Variants in PIEZO1 observed in about 807,000 individuals in gnomAD.
PIEZO1 encodes the protein piezo-type mechanosensitive ion channel component 1.
In PIEZO1, 296 loss-of-function variants were observed where a neutral mutation model predicts 297.2. The observed-to-expected ratio is 1.00, with a 90% CI of 0.91 to 1.10. PIEZO1 has a LOEUF of 1.10. Ranked by LOEUF, PIEZO1 falls within the 50% of genes least tolerant of loss-of-function variation. The pLI is 0.00. For synonymous variants in PIEZO1, 2,427 were observed against 1,507.5 expected, an observed-to-expected ratio of 1.61 and a Z score of -14.13; for missense variants, 5,018 against 3,455.5, an observed-to-expected ratio of 1.45 and a Z score of -11.34.
chr16:88,737,996 G>A lies in PIEZO1; in HGVS notation c.958C>T (p.Leu320=). 1 of 1,535,340 alleles carries A rather than the reference G, an allele frequency of 6.5e-7. No homozygotes were observed. Among genetic ancestry groups the A allele is most frequent in the Non-Finnish European group, 8.7e-7 (1 of 1,146,594 alleles). The change falls in exon 8 of 51, where the codon CTG becomes TTG. Residue 320 remains leucine (L), a synonymous_variant. Coordinates refer to ENST00000301015, the MANE Select transcript of PIEZO1 (RefSeq NM_001142864.4). ...WPVYASPGVL[L]LLCYATASLR... ...GAGGCCGTGGCGTAGCACAGCAGCA[G>A]GAGGACGCCGGGGCTGGCATACACA...
In PIEZO1 at chr16:88,723,253, G is replaced by A. The variant is rs1487681920; in HGVS notation, c.4411C>T (p.Gln1471Ter). The change falls in exon 32 of 51, where the codon CAG becomes TAG. Residue 1471 changes from glutamine to a stop codon, truncating the protein, a stop_gained. Coordinates refer to ENST00000301015, the MANE Select transcript of PIEZO1 (RefSeq NM_001142864.4). LOFTEE classifies it high-confidence loss of function. ...GTGGGTAGCTGTCCTGCCTGTTCCT[G>A]CCTTGCCTGCTCCTGCTCCTGCTGC... is the stretch of plus-strand genomic sequence containing the variant. ...RRQQEQEQAR[Q>*]EQAGQLPTGG... 9.2e-6 allele frequency: 14 copies of A among 1,520,500 alleles called. No homozygotes were observed. Among genetic ancestry groups the A allele is most frequent in the Non-Finnish European group, 1.2e-5 (14 of 1,127,350 alleles). 94.2% of individuals were successfully genotyped at this position (1,520,500 alleles called of 1,614,324 possible).
chr16:88,784,373 G>C (rs184498611), intron 1 of PIEZO1, among the ~76,000 whole-genome samples: 21 of 152,366 alleles, frequency 1.4e-4, no homozygotes, highest in African/African-American at 4.8e-4. Context: ...AGCGGTGAGC[G>C]GGGCTGGGCC....
At chr16:88,783,709 G>C (rs1313901432) in intron 1 of PIEZO1, among the ~76,000 whole-genome samples, 1 of 152,214 alleles carries the variant, frequency 6.6e-6, no homozygotes, top group Non-Finnish European at 1.5e-5. Context: ...ACTGAAGAGA[G>C]TTGCTCAAAA....
In PIEZO1 at chr16:88,717,167, C is replaced by T. The variant is rs1358082394; in HGVS notation, c.6516G>A (p.Lys2172=). Residue 2172 remains lysine (K), a synonymous_variant, in exon 45 of 51, where the codon AAG becomes AAA. Transcript: ENST00000301015. ...GGATGATGAGGCCACCCATGCCGTACTTGACGATCTTCTTCTTCTTCTGCC... is the reference window on the plus strand; with the variant it reads ...GGATGATGAGGCCACCCATGCCGTATTTGACGATCTTCTTCTTCTTCTGCC... ...PKGQKKKKIV[K]YGMGGLIILF... is the part of the protein sequence containing the mutation. 2 of 1,550,848 alleles carry T rather than the reference C, an allele frequency of 1.3e-6. No homozygotes were observed. Among genetic ancestry groups the T allele is most frequent in the African/African-American group, 2.7e-5 (2 of 73,188 alleles).
At position 88,732,468 on chromosome 16, in the gene PIEZO1, C is replaced by T. The variant is rs938142893; in HGVS notation, c.2858G>A (p.Arg953His). 3.6e-5 allele frequency: 56 copies of T among 1,549,346 alleles called. No individual in the cohort carries two copies. The East Asian group carries it at 8.8e-4, about 24-fold the overall frequency. ...AIVYRRQEHY[R>H]RQHQLAPLPA... ...CAGCGGGGCCAGCTGGTGCTGCCGG[C>T]GGTAGTGCTCCTGGCGCCGGTACAC... Residue 953 changes from arginine to histidine, a missense_variant, in exon 21 of 51, where the codon CGC becomes CAC. Physicochemically the swap from Arg to His is conservative, Grantham distance 29. Coordinates refer to ENST00000301015, the MANE Select transcript of PIEZO1 (RefSeq NM_001142864.4).
At chr16:88,764,095 A>G (rs1907056656) in intron 1 of PIEZO1, among the ~76,000 whole-genome samples, 1 of 152,080 alleles carries the variant, frequency 6.6e-6, no homozygotes, top group Non-Finnish European at 1.5e-5. Context: ...GGGGCACCAG[A>G]GCAGGACCCA....
At position 88,722,829 on chromosome 16, in the gene PIEZO1, A is replaced by C. The variant is rs1597446335; in HGVS notation, c.4668+8T>G. On this transcript the variant is annotated splice_region_variant and intron_variant, in intron 34 of 50. Transcript: ENST00000301015. ...GCAGGGACGAGCGTGGTGCACGGGC[A>C]GGCTCACCTGCAGGAGCTCCTGTGT... 1 of 1,543,830 alleles carries C rather than the reference A, an allele frequency of 6.5e-7. No individual in the cohort carries two copies. The highest frequency in any genetic ancestry group is 8.7e-7 in the Non-Finnish European group (1 of 1,146,222).
At position 88,726,904 on chromosome 16, in the gene PIEZO1, C is replaced by A. The variant is rs1904483608; in HGVS notation, c.3510G>T (p.Val1170=). 8 of 1,550,452 alleles carry A rather than the reference C, an allele frequency of 5.2e-6. No individual in the cohort carries two copies. Among genetic ancestry groups the A allele is most frequent in the Non-Finnish European group, 7.0e-6 (8 of 1,146,922 alleles). Residue 1170 remains valine, a synonymous_variant, in exon 25 of 51, where the codon GTG becomes GTT. Coordinates refer to ENST00000301015, the MANE Select transcript of PIEZO1 (RefSeq NM_001142864.4). ...VAVFRYLFWL[V]LVVVFVTGAT... ...CCCCCGTGACAAACACCACCACCAG[C>A]ACCAGCCAGAACAGGTATCGGAAGA...
chr16:88,742,582 C>A (rs1905757153), intron 2 of PIEZO1, among the ~76,000 whole-genome samples, 160 bp from the exon 3 acceptor site: 1 of 152,218 alleles, frequency 6.6e-6, no homozygotes, highest in South Asian at 2.1e-4. Flanking sequence ...CCGGCCAGCC[C>A]CACTCCCCAC....
At chr16:88,771,166 G>T (rs1056055235) in intron 1 of PIEZO1, among the ~76,000 whole-genome samples, 1 of 152,194 alleles carries the variant, frequency 6.6e-6, no homozygotes, top group African/African-American at 2.4e-5. Flanking sequence ...CGTGCGAAAG[G>T]CCCCACAGAG....
At chr16:88,737,325 G>C in intron 10 of PIEZO1, 1 of 500,062 alleles carries the variant, frequency 2.0e-6, no homozygotes, top group South Asian at 2.3e-5. Context: ...TCAACGACGC[G>C]GCCACTCAGC....
At position 88,733,397 on chromosome 16, in the gene PIEZO1, G is replaced by C. The variant is rs776672249; in HGVS notation, c.2545C>G (p.Arg849Gly). Residue 849 changes from arginine to glycine, a missense_variant, in exon 19 of 51, where the codon CGC (arginine) becomes GGC (glycine). Physicochemically the swap from Arg to Gly is moderately radical, Grantham distance 125 (BLOSUM62 -2). Transcript: ENST00000301015. ...VLWAFALPYPRFRPMASCLST... is the reference protein window; with the variant it reads ...VLWAFALPYPGFRPMASCLST... ...AGGCAGGAGGCCATGGGCCGGAAGCGTGGGTAGGGCAGGGCGAAGGCCCAC... is the reference window on the plus strand; with the variant it reads ...AGGCAGGAGGCCATGGGCCGGAAGCCTGGGTAGGGCAGGGCGAAGGCCCAC... 1.8e-5 allele frequency: 28 copies of C among 1,550,034 alleles called. No homozygotes were observed. Among genetic ancestry groups the C allele is most frequent in the Non-Finnish European group, 2.4e-5 (27 of 1,146,834 alleles).
rs1479651553 is a variant in PIEZO1, at chr16:88,721,380, G to A, written c.5454C>T (p.Asp1818=). The A allele has an allele frequency of 6.5e-7, 1 of 1,549,844 alleles. No homozygotes were observed. Among genetic ancestry groups the A allele is most frequent in the Non-Finnish European group, 8.7e-7 (1 of 1,146,872 alleles). ...CTCCCTGCTCCTCCTCGCCGCTCTT[G>A]TCATGCTCCTTGGATGGTGAGTCCT... ...HEEDSPSKEH[D]KSGEEEQGAE... Residue 1818 remains aspartate, a synonymous_variant, in exon 39 of 51, where the codon GAC becomes GAT. Transcript: ENST00000301015.
At position 88,716,409 on chromosome 16, in the gene PIEZO1, G is replaced by T. The variant is rs1472841181; in HGVS notation, c.7001C>A (p.Ala2334Glu). Reference protein sequence around the residue: ...HMLALAPNSTARRQLASLLEG... With the variant: ...HMLALAPNSTERRQLASLLEG... The stretch of plus-strand genomic sequence containing the variant: ...GAGCAGGCTGGCCAGCTGCCGCCGT[G>T]CAGTGCTGTTGGGGGCCAGGGCCAG... Residue 2334 changes from alanine (A) to glutamate (E), a missense_variant, in exon 48 of 51, where the codon GCA (alanine) becomes GAA (glutamate). By Grantham distance (107) the Ala-to-Glu change is moderately radical (BLOSUM62 -1). Coordinates refer to ENST00000301015, the MANE Select transcript of PIEZO1 (RefSeq NM_001142864.4). 1.2e-5 allele frequency: 18 copies of T among 1,549,442 alleles called. No individual in the cohort carries two copies. The highest frequency in any genetic ancestry group is 1.6e-5 in the Non-Finnish European group (18 of 1,146,584).
chr16:88,764,082 C>T (rs886192440), intron 1 of PIEZO1, among the ~76,000 whole-genome samples: 9 of 152,156 alleles, frequency 5.9e-5, no homozygotes, highest in Non-Finnish European at 8.8e-5. Context: ...AAGGCTTCCC[C>T]GGGGGGCACC....
chr16:88,779,771 G>A (rs370512935), intron 1 of PIEZO1, among the ~76,000 whole-genome samples: 3 of 152,244 alleles, frequency 2.0e-5, no homozygotes, highest in African/African-American at 7.2e-5. Context: ...GGACCAGGCG[G>A]TGAGTGGCCC....
At position 88,726,960 on chromosome 16, in the gene PIEZO1, TGCCAGGCCGGAGC is replaced by T; in HGVS notation, c.3456-15_3456-3del. ...ACCTTCAGCATGTCAAGGTAGGACC[TGCCAGGCCGGAGC>T]GTCAGGGCGGGCGCCCCGGCCACCC... On this transcript the variant is annotated splice_polypyrimidine_tract_variant and splice_region_variant and intron_variant, in intron 24 of 50. Coordinates refer to ENST00000301015, the MANE Select transcript of PIEZO1 (RefSeq NM_001142864.4). 6.5e-7 allele frequency: 1 copy of T among 1,550,262 alleles called. No homozygotes were observed. The highest frequency in any genetic ancestry group is 8.7e-7 in the Non-Finnish European group (1 of 1,146,806).
chr16:88,720,286 G>C lies in PIEZO1; in HGVS notation c.5950-3C>G. ...ATGTCTGTGGCCGCCGAGTGCTTCT[G>C]TGGCCAGGAGAGCACAGGTCAGGGG... On this transcript the variant is annotated splice_polypyrimidine_tract_variant and splice_region_variant and intron_variant, in intron 41 of 50. Coordinates refer to ENST00000301015, the MANE Select transcript of PIEZO1 (RefSeq NM_001142864.4). 1 of 1,550,352 alleles carries C rather than the reference G, an allele frequency of 6.5e-7. No individual in the cohort carries two copies. The highest frequency in any genetic ancestry group is 2.4e-5 in the East Asian group (1 of 40,920).
In PIEZO1 at chr16:88,722,003, C is replaced by T; in HGVS notation, c.5019G>A (p.Leu1673=). Reference sequence around the variant, plus strand: ...ACTGGTACACGGCCCGCAGCAGCCGCAGCGCCCGGCCCTGCCCCTCCGCAA... The same window carrying T: ...ACTGGTACACGGCCCGCAGCAGCCGTAGCGCCCGGCCCTGCCCCTCCGCAA... ...ELFAEGQGRA[L]RLLRAVYQCV... The change falls in exon 37 of 51, where the codon CTG becomes CTA. Residue 1673 remains leucine, a synonymous_variant. Transcript: ENST00000301015. 1 of 1,549,200 alleles carries T rather than the reference C, an allele frequency of 6.5e-7. No individual in the cohort carries two copies. The highest frequency in any genetic ancestry group is 1.4e-5 in the African/African-American group (1 of 73,142).
Sources: allele counts gnomAD v4.1 joint callset (sites outside exome capture counted in the v4.1 genomes callset), GRCh38; gene constraint gnomAD v4.1.1; transcripts MANE v1.5; gene names NCBI Gene and HGNC (gene_info 2026-07-23, HGNC 2026-07-21).